The following PSPC1 variants were observed in gnomAD, a reference collection of about 807,000 sequenced individuals.
The protein encoded by PSPC1 is paraspeckle component 1, also known as paraspeckle protein 1.
Under a neutral mutation model 51.6 loss-of-function variants are expected in PSPC1, and 14 were observed. The ratio of observed to expected loss-of-function variants is 0.27; its 90% confidence interval spans 0.18 to 0.42. PSPC1 has a LOEUF of 0.42. PSPC1 is among the 10% of genes least tolerant of loss of function. PSPC1 has a pLI of 1.00. For synonymous variants in PSPC1, 193 were observed against 231.9 expected (o/e 0.83, Z 1.53); for missense variants, 406 against 701.1 (o/e 0.58, Z 4.75).
chr13:19,673,100 T>TTTTTTTTTG (rs1319918704), downstream of PSPC1: 1 of 26,614 alleles, frequency 3.8e-5, no homozygotes, highest in African/African-American at 1.3e-4. Context: ...TTTTTTTTGT[T>TTTTTTTTTG]TTTTTTTTTT....
chr13:19,757,716 C>G (rs536862237), intron 3 of PSPC1, among the ~76,000 whole-genome samples: 1 of 152,190 alleles, frequency 6.6e-6, no homozygotes, highest in Admixed American at 6.5e-5. Flanking sequence ...GGCCTTTGAG[C>G]CCCTATGCTC....
At position 19,764,590 on chromosome 13, in the gene PSPC1, G is replaced by A. The variant is rs919478570; in HGVS notation, c.675-5172C>T. 7.4e-5 allele frequency among the ~76,000 whole-genome samples: 11 copies of A among 149,556 alleles called. No homozygotes were observed. The East Asian group carries it at 2.0e-3, about 27-fold the overall frequency. On this transcript the variant is annotated intron_variant, in intron 2 of 8. Coordinates refer to ENST00000338910, the MANE Select transcript of PSPC1 (RefSeq NM_001354909.2). ...AATCCCAGCACTCTGGCAGACTGAA[G>A]TGGGAGGATCATTTGAGGCCAGGAA...
intron 6 of PSPC1, among the ~76,000 whole-genome samples, chr13:19,717,894 A>G (rs1565989345): frequency 6.6e-6 from 1 of 150,964 alleles, no homozygotes; most frequent in African/African-American, 2.4e-5. Context: ...AAAAGTAAAT[A>G]AGGGTCAGGC....
At chr13:19,703,951 A>G (rs559644988) in intron 8 of PSPC1, among the ~76,000 whole-genome samples, 4 of 152,316 alleles carry the variant, frequency 2.6e-5, no homozygotes, top group African/African-American at 9.6e-5. Flanking sequence ...AATAACATGC[A>G]CTAATAAGCA....
chr13:19,693,995 C>T (rs1172187709), intron 6 of PSPC1, among the ~76,000 whole-genome samples: 3 of 151,402 alleles, frequency 2.0e-5, no homozygotes, highest in Non-Finnish European at 2.9e-5. Context: ...TGGTGGCGGG[C>T]GCCTGTAGTC....
intron 7 of PSPC1, among the ~76,000 whole-genome samples, chr13:19,677,034 A>G (rs2060745721): frequency 6.6e-6 from 1 of 152,234 alleles, no homozygotes; most frequent in South Asian, 2.1e-4. Flanking sequence ...GGAGATCGAG[A>G]CCATCCTGGC....
At chr13:19,726,058 G>C (rs909091850) in intron 6 of PSPC1, among the ~76,000 whole-genome samples, 2 of 152,170 alleles carry the variant, frequency 1.3e-5, no homozygotes, top group East Asian at 3.8e-4. Context: ...GGGAGGCTGA[G>C]GCAGGAAGAT....
At chr13:19,673,118 C>T (rs753081152), downstream of PSPC1, 11 of 450,104 alleles carry the variant, frequency 2.4e-5, no homozygotes, top group Middle Eastern at 3.3e-4. Context: ...TTTGAAAAGC[C>T]AGACCTTGTG....
At position 19,679,116 on chromosome 13, in the gene PSPC1, C is replaced by T. The variant is rs369145681; in HGVS notation, c.1159-1293G>A. The T allele has an allele frequency of 3.9e-5, 6 of 152,292 alleles. No homozygotes were observed. The East Asian group carries it at 9.6e-4, about 24-fold the overall frequency. 9.4% of individuals were successfully genotyped at this position (152,292 alleles called of 1,614,324 possible). On this transcript the variant is annotated intron_variant and NMD_transcript_variant, in intron 6 of 7. Coordinates refer to the PSPC1 transcript ENST00000471658. ...ACAAAAAATTATTTTTTATATATTT[C>T]CACCAGCAATTGGCATTCTATCTAC...
rs1307061122 is a variant in PSPC1, at chr13:19,702,813, A to G, written c.*362T>C. 5.7e-6 allele frequency: 1 copy of G among 174,382 alleles called. No individual in the cohort carries two copies. The highest frequency in any genetic ancestry group is 1.2e-5 in the Non-Finnish European group (1 of 80,384). The allele number at this position is 174,382 out of a possible 1,614,324, so 10.8% of individuals were successfully genotyped here. A position where few individuals can be genotyped will look rare whatever the true frequency, so the allele number is the denominator to read the frequency against. ...TAGGATTAGTTAAAGCAACCAAAGC[A>G]TTACTGTTACAGCAAAGTTTAGTAA... On this transcript the variant is annotated 3_prime_UTR_variant, in exon 9 of 9. Transcript: ENST00000338910.
At chr13:19,739,545 C>G (rs1473560963) in intron 5 of PSPC1, among the ~76,000 whole-genome samples, 1 of 151,938 alleles carries the variant, frequency 6.6e-6, no homozygotes, top group African/African-American at 2.4e-5. Flanking sequence ...GACGGGAGTT[C>G]AAGACCAGCC....
intron 5 of PSPC1, among the ~76,000 whole-genome samples, chr13:19,733,777 A>G (rs199866131): frequency 2.0e-4 from 2 of 10,126 alleles, no homozygotes; most frequent in Admixed American, 4.9e-3. Context: ...ACAAGAAAAA[A>G]GAAAAAAAAA....
intron 6 of PSPC1, among the ~76,000 whole-genome samples, chr13:19,721,096 T>C (rs1034539494): frequency 6.6e-6 from 1 of 152,148 alleles, no homozygotes; most frequent in Non-Finnish European, 1.5e-5. Context: ...ACTACAGAGA[T>C]ACTATCCTCA....
intron 2 of PSPC1, 49 bp from the exon 3 acceptor site, chr13:19,759,467 T>A: frequency 8.1e-7 from 1 of 1,232,948 alleles, no homozygotes; most frequent in Non-Finnish European, 1.2e-6. Context: ...TGCCAAGAAT[T>A]AATACCGTCT....
chr13:19,675,924 C>T (rs562975051), intron 7 of PSPC1: 1 of 152,160 alleles, frequency 6.6e-6, no homozygotes, highest in African/African-American at 2.4e-5. Context: ...TTACATGTTT[C>T]TGGAGTGAAC....
chr13:19,710,750 G>A (rs1280874506), intron 6 of PSPC1, among the ~76,000 whole-genome samples: 2 of 151,966 alleles, frequency 1.3e-5, no homozygotes. Flanking sequence ...AATGAATGAA[G>A]CTACGGTACA....
chr13:19,767,465 C>A (rs1215791717), intron 2 of PSPC1, among the ~76,000 whole-genome samples: 1 of 151,994 alleles, frequency 6.6e-6, no homozygotes, highest in Non-Finnish European at 1.5e-5. Flanking sequence ...TGATCCCAAC[C>A]AATAGCTGAC....
intron 6 of PSPC1, among the ~76,000 whole-genome samples, chr13:19,718,612 C>T (rs1882403711): frequency 6.6e-6 from 1 of 152,066 alleles, no homozygotes; most frequent in African/African-American, 2.4e-5. Flanking sequence ...CCATCTGATA[C>T]AGCAATATCA....
intron 2 of PSPC1, among the ~76,000 whole-genome samples, chr13:19,771,958 G>A (rs1323124529): frequency 6.6e-6 from 1 of 152,142 alleles, no homozygotes; most frequent in African/African-American, 2.4e-5. Flanking sequence ...TACAATTTCT[G>A]AAAGGATTAC....
Sources: gnomAD v4.1 joint callset for allele counts (sites outside exome capture counted in the v4.1 genomes callset) on GRCh38, gnomAD v4.1.1 for gene constraint, MANE v1.5 for transcripts, NCBI Gene and HGNC (gene_info 2026-07-23, HGNC 2026-07-21) for gene names.